The following SATB1 variants were observed in gnomAD, a reference collection of about 807,000 sequenced individuals.
SATB1 encodes the protein DNA-binding protein SATB1.
In SATB1, 11 loss-of-function variants were observed where a neutral mutation model predicts 86.9. The observed-to-expected ratio is 0.13, with a 90% confidence interval of 0.08 to 0.21. The LOEUF is 0.21. Ranked by LOEUF, SATB1 falls within the 10% of genes least tolerant of loss-of-function variation. The probability of loss-of-function intolerance (pLI) is 1.00; values close to 1 mark genes in which losing one functional copy is unlikely to be tolerated. For missense variants in SATB1, 551 were observed against 937.6 expected, an observed-to-expected ratio of 0.59 and a Z score of 5.39; for synonymous variants, 357 against 357.2, an observed-to-expected ratio of 1.00 and a Z score of 0.01.
At chr3:18,359,132 G>C (rs905382696) in intron 9 of SATB1, among the ~76,000 whole-genome samples, 1 of 151,892 alleles carries the variant, frequency 6.6e-6, no homozygotes, top group Non-Finnish European at 1.5e-5. Context: ...ATAAAAAGGT[G>C]CAAATCATTT....
At chr3:18,410,916 T>C (rs1697802725) in intron 5 of SATB1, 2 of 389,914 alleles carry the variant, frequency 5.1e-6, no homozygotes, top group Admixed American at 4.5e-5. Context: ...CTAAGTGTAT[T>C]TAATTCCTAC....
At chr3:18,400,987 C>T (rs1028368072) in intron 5 of SATB1, among the ~76,000 whole-genome samples, 5 of 152,148 alleles carry the variant, frequency 3.3e-5, no homozygotes, top group African/African-American at 1.2e-4. Context: ...GAAGGCACAC[C>T]ACTCCTCTGG....
chr3:18,435,570 AG>A (rs1417490964), intron 2 of SATB1, among the ~76,000 whole-genome samples: 18 of 152,278 alleles, frequency 1.2e-4, no homozygotes, highest in South Asian at 2.1e-4. Flanking sequence ...AAAGCAAAAA[AG>A]GTATGTCTAC....
chr3:18,400,142 T>G (rs558855258), intron 5 of SATB1, among the ~76,000 whole-genome samples: 29 of 152,258 alleles, frequency 1.9e-4, no homozygotes, highest in African/African-American at 6.7e-4. Context: ...AAAGTCATGA[T>G]TGGTAAAATT....
intron 2 of SATB1, among the ~76,000 whole-genome samples, chr3:18,434,668 A>T (rs1699001035): frequency 6.6e-6 from 1 of 152,202 alleles, no homozygotes; most frequent in African/African-American, 2.4e-5. Flanking sequence ...ATCCTTCATT[A>T]GTTAAGCAGG....
chr3:18,389,367 T>G (rs150627733), intron 7 of SATB1, among the ~76,000 whole-genome samples: 1,705 of 151,296 alleles, frequency 0.011, 16 homozygotes, highest in Non-Finnish European at 0.017. Flanking sequence ...TGATAATTAC[T>G]TAAAAAAAAA....
Position 18,444,613 on chromosome 3 carries a change from A to G in SATB1, c.-25+905T>C. 1 of 985,226 alleles carries G rather than the reference A, an allele frequency of 1.0e-6. No homozygotes were observed. The highest frequency in any genetic ancestry group is 1.2e-6 in the Non-Finnish European group (1 of 830,012). 61.0% of individuals were successfully genotyped at this position (985,226 alleles called of 1,614,324 possible). On this transcript the variant is annotated intron_variant, in intron 1 of 3. Coordinates refer to the SATB1 transcript ENST00000415069. This position sits in a 1 kb window ranked among gnomAD's most constrained non-coding sequence, Gnocchi z 5.1. ...GCAAAAGAGCAGAACTCACTCAGGC[A>G]TGGACGTTGGGGGCGGCGGTGGCTG...
intron 5 of SATB1, among the ~76,000 whole-genome samples, chr3:18,414,105 TGGC>T (rs1698000843): frequency 1.3e-5 from 2 of 152,096 alleles, no homozygotes; most frequent in Admixed American, 1.3e-4. Context: ...CAAGTTCAAA[TGGC>T]TAAGACTAAT....
At chr3:18,387,276 AG>A (rs1290071290) in intron 7 of SATB1, among the ~76,000 whole-genome samples, 1 of 152,244 alleles carries the variant, frequency 6.6e-6, no homozygotes, top group Non-Finnish European at 1.5e-5. Context: ...ACTGGGTAAC[AG>A]GTTTAAATTT....
chr3:18,415,463 T>A (rs753788687), intron 4 of SATB1, among the ~76,000 whole-genome samples: 4 of 152,154 alleles, frequency 2.6e-5, no homozygotes, highest in Non-Finnish European at 4.4e-5. Context: ...TCATGTTACT[T>A]CTACCTTCCT....
At chr3:18,393,070 T>A (rs942679902) in intron 7 of SATB1, among the ~76,000 whole-genome samples, 14 of 150,792 alleles carry the variant, frequency 9.3e-5, no homozygotes, top group Non-Finnish European at 1.5e-4. Flanking sequence ...ACGCCAAAAA[T>A]AAGTCACAGC....
intron 9 of SATB1, among the ~76,000 whole-genome samples, chr3:18,373,758 T>C (rs780632842): frequency 2.2e-4 from 34 of 152,156 alleles, no homozygotes; most frequent in Admixed American, 3.9e-4. Context: ...GACTGAAAAG[T>C]AGATGAAAGA....
chr3:18,358,693 C>A (rs1694770812), intron 9 of SATB1, among the ~76,000 whole-genome samples: 1 of 151,876 alleles, frequency 6.6e-6, no homozygotes, highest in African/African-American at 2.4e-5. Context: ...ATGTATCCCC[C>A]AATATGTTTA....
At position 18,416,590 on chromosome 3, in the gene SATB1, C is replaced by T. The variant is rs559160985; in HGVS notation, c.388+312G>A. 5.3e-5 allele frequency among the ~76,000 whole-genome samples: 8 copies of T among 152,214 alleles called. No individual in the cohort carries two copies. In the South Asian group the frequency reaches 1.7e-3, roughly 32 times the overall value. On this transcript the variant is annotated intron_variant, in intron 3 of 10. Transcript: ENST00000338745. ...GTCATAAATGCAAATTGACTCTCAACAGTCCATCTGCTCAAATACGCTCCT... is the reference window on the plus strand; with the variant it reads ...GTCATAAATGCAAATTGACTCTCAATAGTCCATCTGCTCAAATACGCTCCT...
At position 18,386,433 on chromosome 3, in the gene SATB1, G is replaced by A; in HGVS notation, c.1385C>T (p.Pro462Leu). ...ACGGCTGGGTGGTGTGCTGATGAGG[G>A]GGGCAGGACCCATGGCCGAGGCAGC... is the stretch of plus-strand genomic sequence containing the variant. ...LNAASAMGPA[P>L]LISTPPSRPP... Residue 462 changes from proline (P) to leucine (L), a missense_variant, in exon 8 of 11, where the codon CCC (proline) becomes CTC (leucine). Pro to Leu is a moderately conservative substitution (Grantham distance 98, BLOSUM62 -3). Coordinates refer to ENST00000338745, the MANE Select transcript of SATB1 (RefSeq NM_002971.6). This position sits in a 1 kb window ranked among gnomAD's most constrained non-coding sequence, Gnocchi z 4.5. 6.2e-7 allele frequency: 1 copy of A among 1,613,900 alleles called. No individual in the cohort carries two copies.
chr3:18,345,928 C>A lies in SATB1; in HGVS notation c.*3242G>T, dbSNP rs1694031845. 6.6e-6 allele frequency: 1 copy of A among 152,052 alleles called. No homozygotes were observed. Among genetic ancestry groups the A allele is most frequent in the African/African-American group, 2.4e-5 (1 of 41,438 alleles). 9.4% of individuals were successfully genotyped at this position (152,052 alleles called of 1,614,324 possible). A position where few individuals can be genotyped will look rare whatever the true frequency, so the allele number is the denominator to read the frequency against. ...AATGTATGGGATTCTCATTTTTACT[C>A]AATCTTGAATCATCTGAGAATGTTT... On this transcript the variant is annotated 3_prime_UTR_variant, in exon 11 of 11. Transcript: ENST00000338745.
At chr3:18,414,877 C>T in intron 5 of SATB1, 1 of 412,662 alleles carries the variant, frequency 2.4e-6, no homozygotes, top group Non-Finnish European at 4.3e-6. Context: ...TTCCACTGAA[C>T]TGTTTTTCCT....
chr3:18,377,809 G>GA (rs1235346527), intron 9 of SATB1, among the ~76,000 whole-genome samples: 2 of 151,182 alleles, frequency 1.3e-5, no homozygotes, highest in Non-Finnish European at 3.0e-5. Flanking sequence ...ATTTTAGTAG[G>GA]AAAAAAAATA....
chr3:18,392,055 TATA>T (rs1282374178), intron 7 of SATB1, among the ~76,000 whole-genome samples: 1 of 152,180 alleles, frequency 6.6e-6, no homozygotes. Flanking sequence ...CAATTATCAA[TATA>T]AAGCTTTAAA....
Sources: gnomAD v4.1 joint callset for allele counts (sites outside exome capture counted in the v4.1 genomes callset) on GRCh38, gnomAD v4.1.1 for gene constraint, Gnocchi (gnomAD v3.1) non-coding constraint, MANE v1.5 for transcripts, NCBI Gene and HGNC (gene_info 2026-07-23, HGNC 2026-07-21) for gene names.